The following PPP4R3B variants were observed in gnomAD, a reference collection of about 807,000 sequenced individuals.
The protein encoded by PPP4R3B is protein phosphatase 4 regulatory subunit 3B.
In PPP4R3B, 52 loss-of-function variants were observed where a neutral mutation model predicts 95.4. The ratio of observed to expected loss-of-function variants is 0.54; its 90% confidence interval spans 0.44 to 0.69. PPP4R3B has a LOEUF of 0.69. Among genes scored for constraint, PPP4R3B ranks in the 30% least tolerant of loss-of-function variants. The pLI, the probability that PPP4R3B is intolerant of heterozygous loss-of-function variation, is 0.00. For synonymous variants in PPP4R3B, 407 were observed against 343.9 expected, an observed-to-expected ratio of 1.18 and a Z score of -2.03; for missense variants, 1,003 against 1,005.9, an observed-to-expected ratio of 1.00 and a Z score of 0.04.
At chr2:55,557,903 A>T (rs553771399) in intron 16 of PPP4R3B, among the ~76,000 whole-genome samples, 3 of 152,342 alleles carry the variant, frequency 2.0e-5, no homozygotes, top group Admixed American at 6.5e-5. Flanking sequence ...CAAGGGAAAT[A>T]CATTTGTTAT....
At chr2:55,570,856 T>C (rs1056383962) in intron 12 of PPP4R3B, among the ~76,000 whole-genome samples, 1 of 152,098 alleles carries the variant, frequency 6.6e-6, no homozygotes, top group Non-Finnish European at 1.5e-5. Flanking sequence ...GGATAAGAAA[T>C]GGTTTACTTA....
chr2:55,593,416 A>G (rs1424056704), intron 4 of PPP4R3B, among the ~76,000 whole-genome samples: 1 of 152,150 alleles, frequency 6.6e-6, no homozygotes, highest in Non-Finnish European at 1.5e-5. Flanking sequence ...GTACTACCTC[A>G]CTTCGGCCCA....
chr2:55,600,483 TTAAG>T (rs779345280), intron 3 of PPP4R3B, among the ~76,000 whole-genome samples: 3 of 86,274 alleles, frequency 3.5e-5, no homozygotes, highest in Admixed American at 2.4e-4. Context: ...TAAGAAATAA[TTAAG>T]TAATATGGCG....
intron 1 of PPP4R3B, among the ~76,000 whole-genome samples, chr2:55,616,041 G>A (rs1351278424): frequency 6.6e-6 from 1 of 150,936 alleles, no homozygotes; most frequent in African/African-American, 2.4e-5. Context: ...CACCCTTAAA[G>A]GAAAAATTAA....
intron 7 of PPP4R3B, among the ~76,000 whole-genome samples, chr2:55,584,272 C>T (rs886754800): frequency 5.3e-5 from 8 of 151,972 alleles, no homozygotes; most frequent in African/African-American, 1.9e-4. Context: ...CTTAAAATAG[C>T]TTAAGGGGAA....
At chr2:55,570,527 G>T (rs573409352) in intron 12 of PPP4R3B, among the ~76,000 whole-genome samples, 7 of 152,146 alleles carry the variant, frequency 4.6e-5, no homozygotes, top group African/African-American at 1.4e-4. Flanking sequence ...GGAACAGGAA[G>T]GACTATAATT....
chr2:55,548,993 A>G lies in PPP4R3B; in HGVS notation c.*918T>C, dbSNP rs192714048. The G allele has an allele frequency of 8.1e-3, 1,240 of 152,716 alleles. 14 individuals are homozygous for G. The highest frequency in any genetic ancestry group is 0.013 in the Non-Finnish European group (883 of 68,028). The allele number at this position is 152,716 out of a possible 1,614,324, so 9.5% of individuals were successfully genotyped here. On this transcript the variant is annotated 3_prime_UTR_variant, in exon 17 of 17. Transcript: ENST00000616407. ...GGATCAAAATGGCTTCTAGATACTAAATGCCACTTAATTCAGCACTATTCT... is the reference window on the plus strand; with the variant it reads ...GGATCAAAATGGCTTCTAGATACTAGATGCCACTTAATTCAGCACTATTCT...
chr2:55,584,405 G>C (rs924623460), intron 7 of PPP4R3B, among the ~76,000 whole-genome samples: 1 of 152,032 alleles, frequency 6.6e-6, no homozygotes, highest in African/African-American at 2.4e-5. Context: ...ACATGAGTAA[G>C]TTCTTTGCTG....
intron 2 of PPP4R3B, chr2:55,614,429 T>C (rs995702330): frequency 2.0e-5 from 3 of 152,162 alleles, no homozygotes; most frequent in Non-Finnish European, 4.4e-5. Flanking sequence ...GAAAACTAGA[T>C]CTACATTGTT....
chr2:55,549,768 C>T lies in PPP4R3B; in HGVS notation c.*143G>A, dbSNP rs1685039156. On this transcript the variant is annotated 3_prime_UTR_variant, in exon 17 of 17. Transcript: ENST00000616407. ...AAGCCTGATTTTTATTAGAACTAAA[C>T]TCTCTTAGCTGATATACTGTCTTTT... 2 of 634,326 alleles carry T rather than the reference C, an allele frequency of 3.2e-6. No homozygotes were observed. The highest frequency in any genetic ancestry group is 3.0e-5 in the East Asian group (1 of 32,912). 39.3% of individuals were successfully genotyped at this position (634,326 alleles called of 1,614,324 possible).
At chr2:55,607,293 C>T (rs1327602321) in intron 2 of PPP4R3B, among the ~76,000 whole-genome samples, 5 of 152,184 alleles carry the variant, frequency 3.3e-5, no homozygotes. Context: ...TACCCGGAGA[C>T]ACTGTCAGAT....
intron 5 of PPP4R3B, among the ~76,000 whole-genome samples, chr2:55,587,491 C>G (rs1315226869): frequency 6.6e-6 from 1 of 152,070 alleles, no homozygotes; most frequent in Non-Finnish European, 1.5e-5. Context: ...GGCTGAGGCA[C>G]GAGAAGCGCT....
chr2:55,615,008 A>G (rs1694696735), intron 2 of PPP4R3B: 1 of 153,558 alleles, frequency 6.5e-6, no homozygotes, highest in South Asian at 2.0e-4. Context: ...ATACACAACA[A>G]TTAAAGAGCA....
chr2:55,605,958 G>C (rs1463436807), intron 2 of PPP4R3B, among the ~76,000 whole-genome samples: 1 of 145,034 alleles, frequency 6.9e-6, no homozygotes, highest in Non-Finnish European at 1.5e-5. Flanking sequence ...ATCCACAAAA[G>C]TTTTCAAACC....
At chr2:55,581,054 A>T (rs1574789786) in intron 8 of PPP4R3B, among the ~76,000 whole-genome samples, 1 of 152,136 alleles carries the variant, frequency 6.6e-6, no homozygotes, top group South Asian at 2.1e-4. Flanking sequence ...GGGGTTCAAG[A>T]CCAGCCTGAC....
intron 2 of PPP4R3B, among the ~76,000 whole-genome samples, chr2:55,609,644 G>A (rs1333314925): frequency 5.4e-5 from 8 of 148,942 alleles, no homozygotes; most frequent in African/African-American, 1.5e-4. Flanking sequence ...CTCCAGCCTC[G>A]GCAACAAAGC....
At position 55,611,788 on chromosome 2, in the gene PPP4R3B, G is replaced by A. The variant is rs1472618920; in HGVS notation, c.198+3663C>T. Among the ~76,000 whole-genome samples, 4 of 152,008 alleles carry A rather than the reference G, an allele frequency of 2.6e-5. No individual in the cohort carries two copies. The East Asian group carries it at 7.7e-4, about 29-fold the overall frequency. ...TTGTCTCTCCACCTGGAGTGCAGTGGTACAATCATGGCTTACTACAGTCTC... is the reference window on the plus strand; with the variant it reads ...TTGTCTCTCCACCTGGAGTGCAGTGATACAATCATGGCTTACTACAGTCTC... On this transcript the variant is annotated intron_variant, in intron 2 of 16. Transcript: ENST00000616407.
rs1048658326 is a variant in PPP4R3B at position 55,611,319 on chromosome 2, A to C, written c.198+4132T>G. The stretch of plus-strand genomic sequence containing the variant: ...TGGGACCACAAGCACACGCCACCAC[A>C]CCTGGCTTTGACTCTGCTTTTGATT... On this transcript the variant is annotated intron_variant, in intron 2 of 16. Transcript: ENST00000616407. Among the ~76,000 whole-genome samples, 8 of 152,130 alleles carry C rather than the reference A, an allele frequency of 5.3e-5. No individual in the cohort carries two copies. In the South Asian group the frequency reaches 1.7e-3, roughly 31 times the overall value.
chr2:55,581,423 C>A, intron 8 of PPP4R3B, 144 bp downstream of exon 8: 4 of 838,374 alleles, frequency 4.8e-6, no homozygotes, highest in South Asian at 4.9e-5. Flanking sequence ...TGTATTTTAC[C>A]ACAAATGAAT....
Sources: gnomAD v4.1 joint callset for allele counts (sites outside exome capture counted in the v4.1 genomes callset) on GRCh38, gnomAD v4.1.1 for gene constraint, MANE v1.5 for transcripts, NCBI Gene and HGNC (gene_info 2026-07-23, HGNC 2026-07-21) for gene names.